ADGRL3: variants seen among roughly 807,000 people sequenced by gnomAD.
The protein encoded by ADGRL3 is adhesion G protein-coupled receptor L3.
In ADGRL3, 62 loss-of-function variants were observed where a neutral mutation model predicts 153.5. That is an observed-to-expected ratio of 0.40 (90% CI 0.33 to 0.50). The LOEUF is 0.50. ADGRL3 is among the 20% of genes least tolerant of loss of function. The pLI is 0.47. For missense variants in ADGRL3, 1,641 were observed against 1,859.4 expected (o/e 0.88, Z 2.16); for synonymous variants, 710 against 672.5 (o/e 1.06, Z -0.86).
At chr4:61,325,369 A>G (rs2095443757) in intron 1 of ADGRL3, among the ~76,000 whole-genome samples, 2 of 152,320 alleles carry the variant, frequency 1.3e-5, no homozygotes, top group South Asian at 4.1e-4. Flanking sequence ...TTTATAACAT[A>G]CATTTATTGA....
intron 21 of ADGRL3, among the ~76,000 whole-genome samples, chr4:62,022,924 A>G (rs1276167540): frequency 1.3e-5 from 2 of 152,122 alleles, no homozygotes; most frequent in African/African-American, 4.8e-5. Context: ...TCTGCAGCCC[A>G]TGGATCAATG....
chr4:61,742,696 G>A (rs1160287549), intron 8 of ADGRL3, among the ~76,000 whole-genome samples: 1 of 152,090 alleles, frequency 6.6e-6, no homozygotes, highest in African/African-American at 2.4e-5. Flanking sequence ...CCACTAGAAA[G>A]CTAAATTATC....
chr4:61,590,295 G>T (rs1001155463), intron 5 of ADGRL3, among the ~76,000 whole-genome samples: 1 of 151,922 alleles, frequency 6.6e-6, no homozygotes, highest in African/African-American at 2.4e-5. Flanking sequence ...TGCTAATTTT[G>T]TTATGCCACT....
intron 9 of ADGRL3, among the ~76,000 whole-genome samples, chr4:61,815,968 T>C (rs1054797768): frequency 1.3e-5 from 2 of 152,232 alleles, no homozygotes; most frequent in Non-Finnish European, 2.9e-5. Flanking sequence ...TATTTTGTTA[T>C]AGCATCACAA....
intron 9 of ADGRL3, among the ~76,000 whole-genome samples, chr4:61,839,629 T>G (rs2148972735): frequency 6.6e-6 from 1 of 151,992 alleles, no homozygotes; most frequent in Admixed American, 6.6e-5. Context: ...TTGATATTGC[T>G]TAGGTTTTGG....
In ADGRL3 at chr4:61,876,082, G is replaced by A. The variant is rs1402197382; in HGVS notation, c.1481-16574G>A. On this transcript the variant is annotated intron_variant, in intron 9 of 26. Transcript: ENST00000683033. ...TCATAATGCAATTTTTAGGAGATGT[G>A]GAAATTATATCATCAAATAGTTTTT... Among the ~76,000 whole-genome samples, 3 of 150,424 alleles carry A rather than the reference G, an allele frequency of 2.0e-5. No individual in the cohort carries two copies. The East Asian group carries it at 5.8e-4, about 29-fold the overall frequency.
At chr4:61,606,710 A>C (rs929731550) in intron 5 of ADGRL3, among the ~76,000 whole-genome samples, 2 of 152,200 alleles carry the variant, frequency 1.3e-5, no homozygotes, top group African/African-American at 4.8e-5. Flanking sequence ...AATTTAGTCC[A>C]TAATAATGAT....
intron 1 of ADGRL3, among the ~76,000 whole-genome samples, chr4:61,224,822 T>A (rs1577905464): frequency 6.6e-6 from 1 of 152,220 alleles, no homozygotes; most frequent in Non-Finnish European, 1.5e-5. Context: ...CACTGACTTA[T>A]CTGAGTGGAT....
intron 8 of ADGRL3, among the ~76,000 whole-genome samples, chr4:61,794,356 T>G (rs1298065812): frequency 6.6e-6 from 1 of 152,182 alleles, no homozygotes; most frequent in African/African-American, 2.4e-5. Context: ...TCTTTAGTAT[T>G]TTTTTCACTG....
chr4:61,263,222 A>G (rs2092649548), intron 1 of ADGRL3, among the ~76,000 whole-genome samples: 1 of 151,964 alleles, frequency 6.6e-6, no homozygotes, highest in Non-Finnish European at 1.5e-5. Context: ...TAACATTATC[A>G]AGTGCAAATA....
intron 9 of ADGRL3, among the ~76,000 whole-genome samples, chr4:61,857,210 G>A (rs1370607366): frequency 6.6e-6 from 1 of 151,710 alleles, no homozygotes; most frequent in Non-Finnish European, 1.5e-5. Flanking sequence ...GGGCTTGCAG[G>A]CATGAGCCAC....
In ADGRL3 at chr4:61,566,454, T is replaced by C. The variant is rs144691758; in HGVS notation, c.260-20773T>C. ...AGAAACTTGGAGGGAGTGGGTACAA[T>C]TCAACACATAACAGGAGGGAAAGGT... is the stretch of plus-strand genomic sequence containing the variant. On this transcript the variant is annotated intron_variant, in intron 4 of 26. Coordinates refer to ENST00000683033, the MANE Select transcript of ADGRL3 (RefSeq NM_001387552.1). Among the ~76,000 whole-genome samples the C allele has an allele frequency of 9.0e-4, 137 of 152,242 alleles. 2 individuals are homozygous for C. In the East Asian group the frequency reaches 0.023, roughly 25 times the overall value.
intron 4 of ADGRL3, among the ~76,000 whole-genome samples, chr4:61,545,310 G>A (rs1013455532): frequency 8.5e-5 from 13 of 152,052 alleles, no homozygotes; most frequent in African/African-American, 3.1e-4. Context: ...GACAAACCTG[G>A]TTAGTACTGA....
intron 4 of ADGRL3, among the ~76,000 whole-genome samples, chr4:61,574,701 T>TTTGA (rs2098859008): frequency 1.3e-5 from 2 of 151,910 alleles, no homozygotes; most frequent in African/African-American, 4.8e-5. Context: ...TTTGAATTAA[T>TTTGA]ATATTTCTAA....
chr4:61,661,899 A>G (rs1416799402), intron 5 of ADGRL3, among the ~76,000 whole-genome samples: 4 of 152,250 alleles, frequency 2.6e-5, no homozygotes, highest in Non-Finnish European at 4.4e-5. Context: ...TCTGTTCTCA[A>G]TGCAGGAAGA....
chr4:61,264,780 G>A (rs142452641), intron 1 of ADGRL3, among the ~76,000 whole-genome samples: 76 of 152,002 alleles, frequency 5.0e-4, no homozygotes, highest in African/African-American at 1.8e-3. Flanking sequence ...TATCTCTTGT[G>A]CTCTACACAG....
intron 24 of ADGRL3, among the ~76,000 whole-genome samples, chr4:62,043,860 T>A (rs1032863054): frequency 2.6e-5 from 4 of 152,096 alleles, no homozygotes; most frequent in African/African-American, 4.8e-5. Context: ...ATGAATCAAC[T>A]AACTTTATCT....
chr4:61,319,439 A>G (rs1379549362), intron 1 of ADGRL3, among the ~76,000 whole-genome samples: 1 of 152,192 alleles, frequency 6.6e-6, no homozygotes, highest in Non-Finnish European at 1.5e-5. Flanking sequence ...GTTAGATCTA[A>G]GATAAGGATA....
At chr4:61,638,558 G>A (rs2093528410) in intron 5 of ADGRL3, among the ~76,000 whole-genome samples, 2 of 152,022 alleles carry the variant, frequency 1.3e-5, no homozygotes, top group Admixed American at 6.6e-5. Context: ...TTAAATTATA[G>A]TACAGTTTAT....
Sources: allele counts gnomAD v4.1 joint callset (sites outside exome capture counted in the v4.1 genomes callset), GRCh38; gene constraint gnomAD v4.1.1; transcripts MANE v1.5; gene names NCBI Gene and HGNC (gene_info 2026-07-23, HGNC 2026-07-21).